CCDC127: variants seen among roughly 807,000 people sequenced by gnomAD.
CCDC127 encodes coiled-coil domain-containing protein 127.
A neutral mutation model predicts 4.1 loss-of-function variants in CCDC127; 2 were observed. The ratio of observed to expected loss-of-function variants is 0.49; its 90% confidence interval spans 0.20 to 1.53. The LOEUF is 1.53. Ranked by LOEUF, CCDC127 falls within the 40% of genes most tolerant of loss-of-function variation. CCDC127 has a pLI of 0.23. For synonymous variants in CCDC127, 98 were observed against 120.4 expected (o/e 0.81, Z 1.22); for missense variants, 271 against 322.9 (o/e 0.84, Z 1.23).
rs1370222314 is a variant in CCDC127 at position 197,186 on chromosome 5, C to G, written c.*8111G>C. ...GCATTGCCGCAAACATGTCTCGCCT[C>G]CCGCCACAAGGCGGCTTTTCTCCTG... On this transcript the variant is annotated 3_prime_UTR_variant, in exon 3 of 3. Coordinates refer to ENST00000296824, the MANE Select transcript of CCDC127 (RefSeq NM_145265.3). 3.3e-5 allele frequency: 5 copies of G among 152,160 alleles called. No homozygotes were observed. The highest frequency in any genetic ancestry group is 2.0e-4 in the Admixed American group (3 of 15,278). 9.4% of individuals were successfully genotyped at this position (152,160 alleles called of 1,614,324 possible).
intron 2 of CCDC127, 116 bp from the exon 3 acceptor site, chr5:206,074 G>T: frequency 1.1e-6 from 1 of 905,852 alleles, no homozygotes; most frequent in South Asian, 1.8e-5. Flanking sequence ...TTAAGACCTC[G>T]GCTGTACCAA....
intron 1 of CCDC127, chr5:217,349 A>G (rs1010751666): frequency 5.7e-5 from 9 of 158,384 alleles, no homozygotes; most frequent in East Asian, 3.8e-4. Flanking sequence ...AGGTGCTCAG[A>G]TACATGGTTA....
intron 1 of CCDC127, among the ~76,000 whole-genome samples, chr5:217,883 T>C (rs1734455163): frequency 6.6e-6 from 1 of 152,248 alleles, no homozygotes. Flanking sequence ...AATTACAAAA[T>C]AGTTTAGTTA....
chr5:202,647 T>C lies in CCDC127; in HGVS notation c.*2650A>G, dbSNP rs1194564603. On this transcript the variant is annotated 3_prime_UTR_variant, in exon 3 of 3. Coordinates refer to ENST00000296824, the MANE Select transcript of CCDC127 (RefSeq NM_145265.3). ...TCAGCGGGTCAGTGTCCACACCAGC[T>C]TGAAGGCTCTGAACATATCTATCTC... is the stretch of plus-strand genomic sequence containing the variant. The C allele has an allele frequency of 2.0e-5, 3 of 152,264 alleles. No homozygotes were observed. Among genetic ancestry groups the C allele is most frequent in the Non-Finnish European group, 4.4e-5 (3 of 68,066 alleles). 9.4% of individuals were successfully genotyped at this position (152,264 alleles called of 1,614,324 possible).
In CCDC127 at chr5:205,190, G is replaced by C; in HGVS notation, c.*107C>G. 9.8e-7 allele frequency: 1 copy of C among 1,022,340 alleles called. No homozygotes were observed. Among genetic ancestry groups the C allele is most frequent in the Non-Finnish European group, 1.4e-6 (1 of 692,378 alleles). 63.3% of individuals were successfully genotyped at this position (1,022,340 alleles called of 1,614,324 possible). On this transcript the variant is annotated 3_prime_UTR_variant, in exon 3 of 3. Coordinates refer to ENST00000296824, the MANE Select transcript of CCDC127 (RefSeq NM_145265.3). ...TGGAGGTCGCTGCTGAAGGGTGACG[G>C]TGTGGCCATGACACGGGCAGCACGG...
In CCDC127 at chr5:205,230, G is replaced by A. The variant is rs1355106870; in HGVS notation, c.*67C>T. 9.7e-6 allele frequency: 14 copies of A among 1,445,726 alleles called. No homozygotes were observed. Among genetic ancestry groups the A allele is most frequent in the Admixed American group, 4.0e-5 (2 of 49,956 alleles). 89.6% of individuals were successfully genotyped at this position (1,445,726 alleles called of 1,614,324 possible). ...GGGCAGCACGGGAACGGAAGACGCC[G>A]GAGACCCAGAAGGCGCATGACTGCC... On this transcript the variant is annotated 3_prime_UTR_variant, in exon 3 of 3. Coordinates refer to ENST00000296824, the MANE Select transcript of CCDC127 (RefSeq NM_145265.3).
chr5:206,902 G>A lies in CCDC127; in HGVS notation c.122-944C>T, dbSNP rs1734187220. 2.6e-5 allele frequency among the ~76,000 whole-genome samples: 4 copies of A among 152,152 alleles called. No homozygotes were observed. In the South Asian group the frequency reaches 8.3e-4, roughly 32 times the overall value. ...AAGGCCCCAAAAGCCACTGAGAGCA[G>A]CAGTCTGGGTTCCCTCGTGTGCTTC... On this transcript the variant is annotated intron_variant, in intron 2 of 2. Coordinates refer to ENST00000296824, the MANE Select transcript of CCDC127 (RefSeq NM_145265.3).
rs775126538 is a variant in CCDC127, at chr5:205,297, T to C, written c.783A>G (p.Ter261=). The C allele has an allele frequency of 3.1e-6, 5 of 1,600,316 alleles. No homozygotes were observed. In the Admixed American group the frequency reaches 8.5e-5, roughly 27 times the overall value. ...KRVEEAILEK[*] ...AAAGCAGTTTGATTTCACTCTTGTC[T>C]TACTTTTCTAGTATGGCTTCCTCTA... Residue 261 remains the stop codon, a stop_retained_variant, in exon 3 of 3, where the codon TAA becomes TAG. Coordinates refer to ENST00000296824, the MANE Select transcript of CCDC127 (RefSeq NM_145265.3).
chr5:197,001 G>A lies in CCDC127; in HGVS notation c.*8296C>T, dbSNP rs941034045. 3.3e-5 allele frequency: 5 copies of A among 151,210 alleles called. No homozygotes were observed. The highest frequency in any genetic ancestry group is 6.6e-5 in the Admixed American group (1 of 15,228). 9.4% of individuals were successfully genotyped at this position (151,210 alleles called of 1,614,324 possible). Reference sequence around the variant, plus strand: ...CAGCAAAAAGGAATGTAGTAGGAGAGCAGGGTGATAATAAGGAGGAGGTCA... The same window carrying A: ...CAGCAAAAAGGAATGTAGTAGGAGAACAGGGTGATAATAAGGAGGAGGTCA... On this transcript the variant is annotated 3_prime_UTR_variant, in exon 3 of 3. Coordinates refer to ENST00000296824, the MANE Select transcript of CCDC127 (RefSeq NM_145265.3).
rs1350535056 is a variant in CCDC127 at position 205,909 on chromosome 5, TTC to T, written c.169_170del (p.Glu57SerfsTer44). 6.2e-7 allele frequency: 1 copy of T among 1,614,030 alleles called. No homozygotes were observed. The highest frequency in any genetic ancestry group is 8.5e-7 in the Non-Finnish European group (1 of 1,179,960). On this transcript the variant is annotated frameshift_variant, in exon 3 of 3. Coordinates refer to ENST00000296824, the MANE Select transcript of CCDC127 (RefSeq NM_145265.3). LOFTEE classifies it low-confidence loss of function (END_TRUNC). ...ESQKEVEKER[E>X]AYRRRTAAFQ... ...AAGCAGCAGTTCTCCGACGGTAGGC[TTC>T]TCTCTCTTTTTCTACTTCTTTCTGG...
intron 2 of CCDC127, among the ~76,000 whole-genome samples, chr5:210,731 G>A (rs1250962782): frequency 1.5e-5 from 2 of 133,448 alleles, no homozygotes; most frequent in African/African-American, 5.9e-5. Context: ...TGGGGCAGAC[G>A]GGACAGCAAT....
In CCDC127 at chr5:205,447, G is replaced by C. The variant is rs758420175; in HGVS notation, c.633C>G (p.Asp211Glu). The change falls in exon 3 of 3, where the codon GAC (aspartate) becomes GAG (glutamate). Residue 211 changes from aspartate (D) to glutamate (E), a missense_variant. Transcript: ENST00000296824. ...ADLEMAAGLT[D>E]IFQHDTYCGD... ...CACAGTATGTATCATGCTGAAATAT[G>C]TCGGTGAGACCGGCTGCCATCTCTA... 2 of 1,614,216 alleles carry C rather than the reference G, an allele frequency of 1.2e-6. No individual in the cohort carries two copies. The highest frequency in any genetic ancestry group is 2.2e-5 in the South Asian group (2 of 91,088).
intron 2 of CCDC127, among the ~76,000 whole-genome samples, chr5:206,940 C>T (rs954751513): frequency 6.6e-6 from 1 of 152,058 alleles, no homozygotes; most frequent in Admixed American, 6.5e-5. Context: ...TCCTGTAACC[C>T]CTCCCCTACT....
At chr5:215,744 A>G (rs1352305131) in intron 2 of CCDC127, 6 of 152,344 alleles carry the variant, frequency 3.9e-5, no homozygotes, top group African/African-American at 1.2e-4. Context: ...ATAAAAAGCC[A>G]CTACACAAAA....
chr5:215,668 A>G (rs912439642), intron 2 of CCDC127: 2 of 151,872 alleles, frequency 1.3e-5, no homozygotes, highest in African/African-American at 4.9e-5. Flanking sequence ...AATCATAAAA[A>G]CCACCTGCTC....
rs536489427 is a variant in CCDC127, at chr5:204,973, T to C, written c.*324A>G. Reference sequence around the variant, plus strand: ...GAAAATTACTTGTGGTAAGGACCAGTATTGTATTTGACTTTTTAAAAAACC... The same window carrying C: ...GAAAATTACTTGTGGTAAGGACCAGCATTGTATTTGACTTTTTAAAAAACC... On this transcript the variant is annotated 3_prime_UTR_variant, in exon 3 of 3. Transcript: ENST00000296824. The C allele has an allele frequency of 4.6e-6, 1 of 215,148 alleles. No homozygotes were observed. The highest frequency in any genetic ancestry group is 1.6e-4 in the South Asian group (1 of 6,444). The allele number at this position is 215,148 out of a possible 1,614,324, so 13.3% of individuals were successfully genotyped here.
rs1734084534 is a variant in CCDC127 at position 202,021 on chromosome 5, T to C, written c.*3276A>G. On this transcript the variant is annotated 3_prime_UTR_variant, in exon 3 of 3. Transcript: ENST00000296824. ...AAGAAAGCAGCAGGACAAATAATGC[T>C]TGACTCTGATGTCGCTACAAATTCA... 1 of 152,200 alleles carries C rather than the reference T, an allele frequency of 6.6e-6. No individual in the cohort carries two copies. The highest frequency in any genetic ancestry group is 6.5e-5 in the Admixed American group (1 of 15,274). 9.4% of individuals were successfully genotyped at this position (152,200 alleles called of 1,614,324 possible).
At position 203,791 on chromosome 5, in the gene CCDC127, G is replaced by A. The variant is rs1276024577; in HGVS notation, c.*1506C>T. The A allele has an allele frequency of 1.3e-5, 2 of 152,282 alleles. No homozygotes were observed. Among genetic ancestry groups the A allele is most frequent in the Non-Finnish European group, 2.9e-5 (2 of 68,098 alleles). 9.4% of individuals were successfully genotyped at this position (152,282 alleles called of 1,614,324 possible). The stretch of plus-strand genomic sequence containing the variant: ...CAGACTGGCTCCAACACTACTACCT[G>A]CGTGACCTCAGGCAGGTTAGCTCTT... On this transcript the variant is annotated 3_prime_UTR_variant, in exon 3 of 3. Coordinates refer to ENST00000296824, the MANE Select transcript of CCDC127 (RefSeq NM_145265.3).
chr5:205,965 T>C lies in CCDC127; in HGVS notation c.122-7A>G, dbSNP rs369181576. 116 of 1,588,698 alleles carry C rather than the reference T, an allele frequency of 7.3e-5. No homozygotes were observed. Among genetic ancestry groups the C allele is most frequent in the Middle Eastern group, 1.7e-4 (1 of 5,970 alleles). ...TCCCTAGACCAAATCCAACCTGACA[T>C]GAATGAAGAAAAATACACATAATGA... On this transcript the variant is annotated splice_polypyrimidine_tract_variant and splice_region_variant and intron_variant, in intron 2 of 2. Transcript: ENST00000296824.
Sources: allele counts gnomAD v4.1 joint callset (sites outside exome capture counted in the v4.1 genomes callset), GRCh38; gene constraint gnomAD v4.1.1; transcripts MANE v1.5; gene names NCBI Gene and HGNC (gene_info 2026-07-23, HGNC 2026-07-21).